THBS1: variants seen among roughly 807,000 people sequenced by gnomAD.
THBS1 encodes the protein thrombospondin-1.
THBS1 carries 29 observed loss-of-function variants against 126.1 expected under a neutral mutation model. The ratio of observed to expected loss-of-function variants is 0.23; its 90% CI spans 0.17 to 0.31. The LOEUF (loss-of-function observed/expected upper bound fraction) is 0.31, where lower values mean the gene tolerates loss of function less well. Ranked by LOEUF, THBS1 falls within the 10% of genes least tolerant of loss-of-function variation. The probability of loss-of-function intolerance (pLI) is 1.00; values close to 1 mark genes in which losing one functional copy is unlikely to be tolerated. For synonymous variants in THBS1, 496 were observed against 577.8 expected, an observed-to-expected ratio of 0.86 and a Z score of 2.03; for missense variants, 1,198 against 1,545.2, an observed-to-expected ratio of 0.78 and a Z score of 3.77.
Position 39,584,135 on chromosome 15 carries a change from T to G in THBS1, c.851T>G (p.Leu284Arg). The change falls in exon 5 of 22, where the codon CTC (leucine) becomes CGC (arginine). Residue 284 changes from leucine (L) to arginine (R), a missense_variant. By Grantham distance (102) the Leu-to-Arg change is moderately radical. This residue lies in a region of THBS1 where 663 missense variants were observed against 860.1 expected (regional missense o/e 0.77). Transcript: ENST00000260356. ...GAGCTGTCCAGCATGGTCCTGGAAC[T>G]CAGGGGCCTGCGCACCATTGTGACC... ...CDELSSMVLE[L>R]RGLRTIVTTL... The G allele has an allele frequency of 6.2e-7, 1 of 1,614,212 alleles. No individual in the cohort carries two copies. Among genetic ancestry groups the G allele is most frequent in the East Asian group, 2.2e-5 (1 of 44,886 alleles).
chr15:39,591,109 T>C, intron 14 of THBS1, 82 bp from the exon 15 acceptor site: 3 of 1,482,824 alleles, frequency 2.0e-6, no homozygotes, highest in Non-Finnish European at 2.8e-6. Flanking sequence ...TTCACAGTTT[T>C]AGACATATTA....
intron 6 of THBS1, 132 bp downstream of exon 6, chr15:39,584,554 C>G (rs78673682): frequency 8.8e-7 from 1 of 1,130,504 alleles, no homozygotes; most frequent in Non-Finnish European, 1.2e-6. Flanking sequence ...TTTTTTTTTT[C>G]TTTAAGATGC....
In THBS1 at chr15:39,593,539, C is replaced by T. The variant is rs1377772218; in HGVS notation, c.3138C>T (p.Ser1046=). 1 of 1,614,218 alleles carries T rather than the reference C, an allele frequency of 6.2e-7. No homozygotes were observed. The highest frequency in any genetic ancestry group is 1.1e-5 in the South Asian group (1 of 91,084). The change falls in exon 19 of 22, where the codon TCC becomes TCT. Residue 1046 remains serine (S), a synonymous_variant. Coordinates refer to ENST00000260356, the MANE Select transcript of THBS1 (RefSeq NM_003246.4). This position sits in a 1 kb window ranked among gnomAD's most constrained non-coding sequence, Gnocchi z 5.9. ...TGATGTGGAAGCAAGTCACCCAGTC[C>T]TACTGGGACACCAACCCCACGAGGG... The part of the protein sequence containing the change: ...YVVMWKQVTQ[S]YWDTNPTRAQ...
chr15:39,590,973 T>C, intron 14 of THBS1: 1 of 581,422 alleles, frequency 1.7e-6, no homozygotes, highest in Non-Finnish European at 3.0e-6. Flanking sequence ...GATTATATTC[T>C]ACATCTCACT....
rs879583825 is a variant in THBS1 at position 39,599,236 on chromosome 15, T to C, written c.*3867T>C. The C allele has an allele frequency of 7.9e-5, 12 of 152,194 alleles. No homozygotes were observed. The highest frequency in any genetic ancestry group is 2.4e-4 in the African/African-American group (10 of 41,454). 9.4% of individuals were successfully genotyped at this position (152,194 alleles called of 1,614,324 possible). On this transcript the variant is annotated 3_prime_UTR_variant, in exon 22 of 22. Coordinates refer to ENST00000260356, the MANE Select transcript of THBS1 (RefSeq NM_003246.4). ...ACTTTTTAAAAAAAATCCGGAAGCT[T>C]TTTGTTGAATTACGTTACAGACTTA... is the stretch of plus-strand genomic sequence containing the variant.
At chr15:39,588,473 G>C in intron 9 of THBS1, 53 bp from the exon 10 acceptor site, 1 of 1,516,788 alleles carries the variant, frequency 6.6e-7, no homozygotes, top group South Asian at 1.3e-5. Context: ...CTATGACAAG[G>C]GAGGGATTTG....
chr15:39,596,683 T>C lies in THBS1; in HGVS notation c.*1314T>C, dbSNP rs2140353273. 1 of 152,336 alleles carries C rather than the reference T, an allele frequency of 6.6e-6. No homozygotes were observed. Among genetic ancestry groups the C allele is most frequent in the East Asian group, 1.9e-4 (1 of 5,192 alleles). The allele number at this position is 152,336 out of a possible 1,614,324, so 9.4% of individuals were successfully genotyped here. A position where few individuals can be genotyped will look rare whatever the true frequency, so the allele number is the denominator to read the frequency against. On this transcript the variant is annotated 3_prime_UTR_variant, in exon 22 of 22. Transcript: ENST00000260356. Reference sequence around the variant, plus strand: ...AGTGGATGTTATGGGATTCTTTTTTTCTCTGTTTTATCTTTTCAAGTGGAA... The same window carrying C: ...AGTGGATGTTATGGGATTCTTTTTTCCTCTGTTTTATCTTTTCAAGTGGAA...
Position 39,583,702 on chromosome 15 carries a change from C to A in THBS1, c.703+10C>A. 6.2e-7 allele frequency: 1 copy of A among 1,612,240 alleles called. No homozygotes were observed. The highest frequency in any genetic ancestry group is 8.5e-7 in the Non-Finnish European group (1 of 1,179,070). On this transcript the variant is annotated intron_variant, in intron 4 of 21. Coordinates refer to ENST00000260356, the MANE Select transcript of THBS1 (RefSeq NM_003246.4). Reference sequence around the variant, plus strand: ...AAAGGCTGCTCCAGCTGTGAGTACCCCTCTATTTTTAGGGCACATAGGGAA... The same window carrying A: ...AAAGGCTGCTCCAGCTGTGAGTACCACTCTATTTTTAGGGCACATAGGGAA...
Position 39,594,400 on chromosome 15 carries a change from A to G in THBS1, c.3465A>G (p.Gln1155=), listed in dbSNP as rs938695279. 6.2e-7 allele frequency: 1 copy of G among 1,614,152 alleles called. No homozygotes were observed. The highest frequency in any genetic ancestry group is 1.3e-5 in the African/African-American group (1 of 74,954). ...GACTAGGGTTGTTTGTCTTCTCTCA[A>G]GAAATGGTGTTCTTCTCTGACCTGA... ...GGRLGLFVFS[Q]EMVFFSDLKY... The change falls in exon 21 of 22, where the codon CAA becomes CAG. Residue 1155 remains glutamine, a synonymous_variant. Transcript: ENST00000260356. This position sits in a 1 kb window ranked among gnomAD's most constrained non-coding sequence, Gnocchi z 4.4.
rs752563481 is a variant in THBS1 at position 39,592,359 on chromosome 15, A to T, written c.2533-209A>T. 2.0e-5 allele frequency among the ~76,000 whole-genome samples: 3 copies of T among 152,200 alleles called. No individual in the cohort carries two copies. Among genetic ancestry groups the T allele is most frequent in the Non-Finnish European group, 4.4e-5 (3 of 68,042 alleles). Reference sequence around the variant, plus strand: ...ACATTTTTAAATTATCCCTTCTCAGATTTTTATACGAAAACAAAGATAAAG... The same window carrying T: ...ACATTTTTAAATTATCCCTTCTCAGTTTTTTATACGAAAACAAAGATAAAG... On this transcript the variant is annotated intron_variant, in intron 16 of 21. Coordinates refer to ENST00000260356, the MANE Select transcript of THBS1 (RefSeq NM_003246.4). The surrounding 1 kb of genome is among the most constrained non-coding windows in gnomAD (Gnocchi z 4.3).
At position 39,584,000 on chromosome 15, in the gene THBS1, T is replaced by G. The variant is rs929978600; in HGVS notation, c.716T>G (p.Leu239Arg). The G allele has an allele frequency of 5.6e-6, 9 of 1,614,100 alleles. No homozygotes were observed. In the African/African-American group the frequency reaches 1.1e-4, roughly 19 times the overall value. The change falls in exon 5 of 22, where the codon CTC becomes CGC. Residue 239 changes from leucine to arginine, a missense_variant. Leu to Arg is a moderately radical substitution (Grantham distance 102). This residue lies in a region of THBS1 where 663 missense variants were observed against 860.1 expected (regional missense o/e 0.77). Coordinates refer to ENST00000260356, the MANE Select transcript of THBS1 (RefSeq NM_003246.4). ...NKGCSSSTSV[L>R]LTLDNNVVNG... ...TGTTTCTTGCCAGCTACCAGTGTCC[T>G]CCTCACCCTTGACAACAACGTGGTG...
chr15:39,592,418 G>T lies in THBS1; in HGVS notation c.2533-150G>T. On this transcript the variant is annotated intron_variant, in intron 16 of 21. Transcript: ENST00000260356. The surrounding 1 kb of genome is among the most constrained non-coding windows in gnomAD (Gnocchi z 4.3). ...CTTTTAAAATGTAATTGCTACTATT[G>T]CTATCTTTCTGCAGGAGTGTGTAAA... 1.8e-6 allele frequency: 1 copy of T among 548,288 alleles called. No homozygotes were observed. 34.0% of individuals were successfully genotyped at this position (548,288 alleles called of 1,614,324 possible). A position where few individuals can be genotyped will look rare whatever the true frequency, so the allele number is the denominator to read the frequency against.
chr15:39,591,576 G>T lies in THBS1; in HGVS notation c.2485G>T (p.Val829Phe). ...VDQRDTDMDG[V>F]GDQCDNCPLE... ...CCAGAGAGACACTGATATGGATGGG[G>T]TTGGAGATCAGTGTGACAATTGCCC... The change falls in exon 16 of 22, where the codon GTT (valine) becomes TTT (phenylalanine). Residue 829 changes from valine (V) to phenylalanine (F), a missense_variant. By Grantham distance (50) the Val-to-Phe change is conservative. Around this residue, in one of 4 missense-constraint regions of THBS1, gnomAD observed 663 missense variants for 860.1 expected, o/e 0.77. Transcript: ENST00000260356. 6.2e-7 allele frequency: 1 copy of T among 1,614,228 alleles called. No individual in the cohort carries two copies. Among genetic ancestry groups the T allele is most frequent in the Non-Finnish European group, 8.5e-7 (1 of 1,180,042 alleles).
intron 7 of THBS1, 183 bp from the exon 8 acceptor site, chr15:39,587,164 C>G (rs141429523): frequency 1.1e-4 from 57 of 497,822 alleles, no homozygotes; most frequent in Middle Eastern, 1.0e-3. Flanking sequence ...ATGTGTATAT[C>G]AAAACATCAC....
rs201925949 is a variant in THBS1 at position 39,589,247 on chromosome 15, C to T, written c.1819C>T (p.Arg607Trp). ...CTGCTTCAACCACAATGGAGAGCAC[C>T]GGTGTGAGAACACGGACCCCGGCTA... is the stretch of plus-strand genomic sequence containing the variant. Reference protein sequence around the residue: ...DACFNHNGEHRCENTDPGYNC... With the variant: ...DACFNHNGEHWCENTDPGYNC... Residue 607 changes from arginine (R) to tryptophan (W), a missense_variant, in exon 12 of 22, where the codon CGG (arginine) becomes TGG (tryptophan). Physicochemically the swap from Arg to Trp is moderately radical, Grantham distance 101. Around this residue, in one of 4 missense-constraint regions of THBS1, gnomAD observed 663 missense variants for 860.1 expected, o/e 0.77. Transcript: ENST00000260356. The surrounding 1 kb of genome is among the most constrained non-coding windows in gnomAD (Gnocchi z 4.7). The T allele has an allele frequency of 1.9e-4, 310 of 1,613,998 alleles. 1 individual carries two copies. Among genetic ancestry groups the T allele is most frequent in the Non-Finnish European group, 1.8e-4 (210 of 1,180,032 alleles).
At chr15:39,588,742 T>C (rs2140347200) in intron 10 of THBS1, 43 bp downstream of exon 10, 1 of 1,550,348 alleles carries the variant, frequency 6.5e-7, no homozygotes, top group South Asian at 1.3e-5. Context: ...GGAGCTTTGC[T>C]CTTTTACTGA....
At position 39,583,681 on chromosome 15, in the gene THBS1, G is replaced by T; in HGVS notation, c.692G>T (p.Gly231Val). ...TTPEDILRNK[G>V]CSSSTSVLLT... The stretch of plus-strand genomic sequence containing the variant: ...CCAGAAGACATCCTCAGGAACAAAG[G>T]CTGCTCCAGCTGTGAGTACCCCTCT... The change falls in exon 4 of 22, where the codon GGC (glycine) becomes GTC (valine). Residue 231 changes from glycine to valine, a missense_variant. This residue lies in a region of THBS1 where 663 missense variants were observed against 860.1 expected (regional missense o/e 0.77). Transcript: ENST00000260356. 1 of 1,613,918 alleles carries T rather than the reference G, an allele frequency of 6.2e-7. No individual in the cohort carries two copies. The highest frequency in any genetic ancestry group is 8.5e-7 in the Non-Finnish European group (1 of 1,179,930).
chr15:39,590,613 C>T lies in THBS1; in HGVS notation c.2243C>T (p.Pro748Leu). 1 of 1,613,396 alleles carries T rather than the reference C, an allele frequency of 6.2e-7. No individual in the cohort carries two copies. The highest frequency in any genetic ancestry group is 8.5e-7 in the Non-Finnish European group (1 of 1,179,648). ...GATGACGATGACAATGATAAAATTC[C>T]AGATGACAGGGTAAAAACAGTTTTC... is the stretch of plus-strand genomic sequence containing the variant. Reference protein sequence around the residue: ...CDDDDDNDKIPDDRDNCPFHY... With the variant: ...CDDDDDNDKILDDRDNCPFHY... The change falls in exon 14 of 22, where the codon CCA becomes CTA. Residue 748 changes from proline to leucine, a missense_variant. By Grantham distance (98) the Pro-to-Leu change is moderately conservative. Around this residue, in one of 4 missense-constraint regions of THBS1, gnomAD observed 663 missense variants for 860.1 expected, o/e 0.77. Coordinates refer to ENST00000260356, the MANE Select transcript of THBS1 (RefSeq NM_003246.4).
Position 39,594,385 on chromosome 15 carries a change from G to GT in THBS1, c.3453dup (p.Val1152CysfsTer11). The GT allele has an allele frequency of 6.2e-7, 1 of 1,614,204 alleles. No homozygotes were observed. Among genetic ancestry groups the GT allele is most frequent in the Non-Finnish European group, 8.5e-7 (1 of 1,180,028 alleles). Reference sequence around the variant, plus strand: ...CCTATGCTGGTGGTAGACTAGGGTTGTTTGTCTTCTCTCAAGAAATGGTGT... The same window carrying GT: ...CCTATGCTGGTGGTAGACTAGGGTTGTTTTGTCTTCTCTCAAGAAATGGTGT... On this transcript the variant is annotated frameshift_variant, in exon 21 of 22. Coordinates refer to ENST00000260356, the MANE Select transcript of THBS1 (RefSeq NM_003246.4). LOFTEE classifies it high-confidence loss of function. This position sits in a 1 kb window ranked among gnomAD's most constrained non-coding sequence, Gnocchi z 4.4.
Sources: gnomAD v4.1 joint callset for allele counts (sites outside exome capture counted in the v4.1 genomes callset) on GRCh38, gnomAD v4.1.1 for gene constraint, gnomAD v4.1.1 regional missense constraint, Gnocchi (gnomAD v3.1) non-coding constraint, MANE v1.5 for transcripts, NCBI Gene and HGNC (gene_info 2026-07-23, HGNC 2026-07-21) for gene names.